The following DOCK11 variants were observed in gnomAD, a reference collection of about 807,000 sequenced individuals.
DOCK11 encodes the protein dedicator of cytokinesis 11, also known as dedicator of cytokinesis protein 11.
Under a neutral mutation model 169.1 loss-of-function variants are expected in DOCK11, and 70 were observed. That is an observed-to-expected ratio of 0.41 (90% CI 0.34 to 0.51). The LOEUF (loss-of-function observed/expected upper bound fraction) is 0.51. Among genes scored for constraint, DOCK11 ranks in the 20% least tolerant of loss-of-function variants. DOCK11 has a pLI of 0.10. For synonymous variants in DOCK11, 529 were observed against 541.3 expected (o/e 0.98, Z 0.32); for missense variants, 1,166 against 1,538.8 (o/e 0.76, Z 4.05).
chrX:118,627,359 C>T (rs184448519), intron 32 of DOCK11, 145 bp from the exon 33 acceptor site: 43 of 457,732 alleles, frequency 9.4e-5, no homozygotes, highest in African/African-American at 9.2e-4. Context: ...AAAAGAGTCA[C>T]CTAAATACTA....
chrX:118,511,681 G>A (rs1028107864), intron 1 of DOCK11, among the ~76,000 whole-genome samples: 1 of 111,302 alleles, frequency 9.0e-6, no homozygotes, highest in African/African-American at 3.3e-5. Context: ...GTTGACGCCT[G>A]GGAACCCTGG....
chrX:118,652,220 T>C (rs1377243409), intron 42 of DOCK11, 143 bp downstream of exon 42: 2 of 405,082 alleles, frequency 4.9e-6, no homozygotes, highest in African/African-American at 2.5e-5. Flanking sequence ...CTTTGTCTTA[T>C]ACATCACTAT....
intron 41 of DOCK11, among the ~76,000 whole-genome samples, chrX:118,650,490 G>A (rs1462619139): frequency 9.0e-6 from 1 of 111,409 alleles, no homozygotes. Flanking sequence ...TTATTAGTGG[G>A]GAAACAACCA....
chrX:118,596,824 T>C (rs1329127035), intron 20 of DOCK11, among the ~76,000 whole-genome samples: 3 of 112,146 alleles, frequency 2.7e-5, no homozygotes, highest in Non-Finnish European at 5.6e-5. Flanking sequence ...TACCTACACC[T>C]ACACCTCTTC....
intron 16 of DOCK11, among the ~76,000 whole-genome samples, chrX:118,587,626 T>C: frequency 9.0e-6 from 1 of 111,515 alleles, no homozygotes; most frequent in East Asian, 2.8e-4. Flanking sequence ...GGTCGGGGTA[T>C]TGAGTTTATC....
intron 45 of DOCK11, among the ~76,000 whole-genome samples, chrX:118,667,297 A>C (rs2147571683): frequency 9.0e-6 from 1 of 111,379 alleles, no homozygotes; most frequent in South Asian, 3.7e-4. Flanking sequence ...GCCTACCTCA[A>C]GATCCTGATA....
chrX:118,546,092 T>C lies in DOCK11; in HGVS notation c.534T>C (p.Asn178=). 8.4e-7 allele frequency: 1 copy of C among 1,195,910 alleles called. No homozygotes were observed. The highest frequency in any genetic ancestry group is 1.1e-6 in the Non-Finnish European group (1 of 883,763). The change falls in exon 6 of 53, where the codon AAT becomes AAC. Residue 178 remains asparagine, a synonymous_variant. Coordinates refer to ENST00000276202, the MANE Select transcript of DOCK11 (RefSeq NM_144658.4). ...KQGWLHKANV[N]STITVTMKVF... ...GCTGGTTGCATAAAGCAAATGTAAA[T>C]AGTACCATCACAGTAACCATGAAGG...
intron 46 of DOCK11, among the ~76,000 whole-genome samples, chrX:118,674,977 GC>G (rs1205109967): frequency 2.5e-4 from 28 of 111,736 alleles, no homozygotes; most frequent in African/African-American, 8.8e-4. Flanking sequence ...CATCTTTGGA[GC>G]AATGTCTATT....
intron 45 of DOCK11, among the ~76,000 whole-genome samples, chrX:118,665,585 G>A (rs765424932): frequency 1.8e-5 from 2 of 112,220 alleles, no homozygotes; most frequent in South Asian, 3.7e-4. Flanking sequence ...TTAGTTTTCT[G>A]TATAAACACA....
chrX:118,624,696 T>C, intron 32 of DOCK11, 41 bp downstream of exon 32: 1 of 945,915 alleles, frequency 1.1e-6, no homozygotes, highest in East Asian at 3.1e-5. Context: ...TATCCTATTT[T>C]ATTGAATGCA....
At chrX:118,621,282 AG>A (rs780971752) in intron 31 of DOCK11, among the ~76,000 whole-genome samples, 1 of 112,004 alleles carries the variant, frequency 8.9e-6, no homozygotes, top group East Asian at 2.8e-4. Context: ...GTATTGGATG[AG>A]GATATAAAAG....
At chrX:118,680,720 T>C (rs2016723699) in intron 49 of DOCK11, 28 bp downstream of exon 49, 2 of 1,104,669 alleles carry the variant, frequency 1.8e-6, no homozygotes, top group East Asian at 6.3e-5. Context: ...TATTAACTTC[T>C]TATTTGTCTT....
rs147722764 is a variant in DOCK11, at chrX:118,571,118, C to G, written c.1036-1205C>G. 4.4e-3 allele frequency among the ~76,000 whole-genome samples: 487 copies of G among 110,757 alleles called. 2 individuals carry two copies. Among genetic ancestry groups the G allele is most frequent in the African/African-American group, 0.015 (456 of 30,415 alleles). On this transcript the variant is annotated intron_variant, in intron 10 of 52. Transcript: ENST00000276202. ...ACGTAGGTAGTCCATGGGGTTCCAGCCTTTTGTGCCTCTCAACCTAAATGC... is the reference window on the plus strand; with the variant it reads ...ACGTAGGTAGTCCATGGGGTTCCAGGCTTTTGTGCCTCTCAACCTAAATGC...
At chrX:118,557,856 A>G (rs1419478853) in intron 6 of DOCK11, among the ~76,000 whole-genome samples, 3 of 103,326 alleles carry the variant, frequency 2.9e-5, no homozygotes, top group African/African-American at 1.1e-4. Flanking sequence ...GGCTATGGTG[A>G]GGATTTTAGA....
intron 1 of DOCK11, among the ~76,000 whole-genome samples, chrX:118,535,562 A>G (rs1026595885): frequency 1.8e-5 from 2 of 111,517 alleles, no homozygotes; most frequent in Non-Finnish European, 3.8e-5. Context: ...AGTAAATGCC[A>G]CAATAGATGG....
At chrX:118,661,444 T>G (rs1374470532) in intron 44 of DOCK11, among the ~76,000 whole-genome samples, 1 of 110,781 alleles carries the variant, frequency 9.0e-6, no homozygotes, top group Non-Finnish European at 1.9e-5. Flanking sequence ...GAGAAATCTC[T>G]TCAACATGAG....
At chrX:118,568,601 C>T (rs2013163682) in intron 10 of DOCK11, among the ~76,000 whole-genome samples, 1 of 107,612 alleles carries the variant, frequency 9.3e-6, no homozygotes, top group Non-Finnish European at 1.9e-5. Context: ...TTATTTTTCA[C>T]ATTTGATGTA....
At chrX:118,647,771 TATATAATAATATATAATATATTATA>T (rs1388875701) in intron 40 of DOCK11, among the ~76,000 whole-genome samples, 6,948 of 45,423 alleles carry the variant, frequency 0.15, 480 homozygotes, top group African/African-American at 0.18. Context: ...TATATTATAA[TATATAATAATATATAATATATTATA>T]ATATATAATA....
At position 118,680,528 on chromosome X, in the gene DOCK11, C is replaced by G; in HGVS notation, c.5507C>G (p.Thr1836Ser). The G allele has an allele frequency of 8.3e-7, 1 of 1,208,500 alleles. No homozygotes were observed. Among genetic ancestry groups the G allele is most frequent in the Non-Finnish European group, 1.1e-6 (1 of 893,778 alleles). ...CCAAAATATGCTCATATACAAGTTA[C>G]TTATGTGAAGCCTTACTTTGATGAC... ...LDPKYAHIQV[T>S]YVKPYFDDKE... Residue 1836 changes from threonine (T) to serine (S), a missense_variant, in exon 49 of 53, where the codon ACT becomes AGT. Physicochemically the swap from Thr to Ser is moderately conservative, Grantham distance 58. Transcript: ENST00000276202.
Sources: gnomAD v4.1 joint callset for allele counts (sites outside exome capture counted in the v4.1 genomes callset) on GRCh38, gnomAD v4.1.1 for gene constraint, MANE v1.5 for transcripts, NCBI Gene and HGNC (gene_info 2026-07-23, HGNC 2026-07-21) for gene names.